Variants in RAB20 observed in about 807,000 individuals in gnomAD.
The protein encoded by RAB20 is ras-related protein Rab-20.
A neutral mutation model predicts 3.7 loss-of-function variants in RAB20; 2 were observed. The observed-to-expected ratio is 0.54, with a 90% CI of 0.22 to 1.69. RAB20 has a LOEUF of 1.69. Ranked by LOEUF, RAB20 falls within the 40% of genes most tolerant of loss-of-function variation. The pLI is 0.19. For missense variants in RAB20, 276 were observed against 311.9 expected (o/e 0.88, Z 0.87); for synonymous variants, 126 against 130.8 (o/e 0.96, Z 0.25).
intron 1 of RAB20, among the ~76,000 whole-genome samples, chr13:110,537,208 GT>G (rs541495953): frequency 6.5e-4 from 98 of 151,392 alleles, no homozygotes; most frequent in African/African-American, 2.3e-3. Flanking sequence ...TATTGCCCAG[GT>G]TGGTCTTGAA....
intron 1 of RAB20, among the ~76,000 whole-genome samples, chr13:110,540,271 T>C (rs1042548617): frequency 9.9e-5 from 15 of 152,270 alleles, no homozygotes; most frequent in African/African-American, 2.9e-4. Flanking sequence ...CAAGAGATAC[T>C]CTGTTGTCCT....
intron 1 of RAB20, among the ~76,000 whole-genome samples, chr13:110,541,840 ACT>A (rs1555335863): frequency 4.7e-5 from 7 of 149,488 alleles, no homozygotes; most frequent in Non-Finnish European, 8.9e-5. Context: ...ACACACACAC[ACT>A]CTCACATACA....
At chr13:110,544,180 C>T (rs900484336) in intron 1 of RAB20, among the ~76,000 whole-genome samples, 4 of 152,196 alleles carry the variant, frequency 2.6e-5, no homozygotes, top group Non-Finnish European at 5.9e-5. Context: ...TTCTTGGCAT[C>T]TTTGTCAAAG....
At chr13:110,530,755 TAC>T (rs1446528948) in intron 1 of RAB20, among the ~76,000 whole-genome samples, 6 of 147,024 alleles carry the variant, frequency 4.1e-5, no homozygotes, top group Admixed American at 1.4e-4. Context: ...GCTCCACCTC[TAC>T]ACAGACACAG....
chr13:110,524,138 GGAT>G lies in RAB20; in HGVS notation c.229_231del (p.Ile77del), dbSNP rs1884387635. On this transcript the variant is annotated inframe_deletion, in exon 2 of 2. Coordinates refer to ENST00000267328, the MANE Select transcript of RAB20 (RefSeq NM_017817.3). ...TGCCGGTGATTCACATCATAGGTGA[GGAT>G]GATGGCGGCCGCCCCCCGGCAGTAC... The G allele has an allele frequency of 5.6e-6, 9 of 1,609,464 alleles. No homozygotes were observed. The highest frequency in any genetic ancestry group is 1.7e-4 in the Middle Eastern group (1 of 6,060).
At chr13:110,541,009 A>G (rs1302583386) in intron 1 of RAB20, among the ~76,000 whole-genome samples, 1 of 152,194 alleles carries the variant, frequency 6.6e-6, no homozygotes, top group African/African-American at 2.4e-5. Context: ...AATCTGGCTC[A>G]GGAGGCCTGG....
chr13:110,527,286 C>T (rs948054232), intron 1 of RAB20, among the ~76,000 whole-genome samples: 1 of 152,010 alleles, frequency 6.6e-6, no homozygotes. Flanking sequence ...CACAGAGACA[C>T]ACACTCATGT....
intron 1 of RAB20, among the ~76,000 whole-genome samples, chr13:110,525,949 C>A (rs370422892): frequency 2.0e-5 from 3 of 152,350 alleles, no homozygotes; most frequent in South Asian, 4.1e-4. Context: ...CACCAACAAG[C>A]AAACCCCAAG....
intron 1 of RAB20, among the ~76,000 whole-genome samples, chr13:110,528,452 T>C (rs1203734910): frequency 1.4e-5 from 2 of 144,196 alleles, no homozygotes; most frequent in African/African-American, 2.6e-5. Flanking sequence ...GAAAGAAAAA[T>C]GCTTCTTCGT....
At position 110,555,047 on chromosome 13, in the gene RAB20, C is replaced by A. The variant is rs1594139811; in HGVS notation, c.172+6301G>T. Among the ~76,000 whole-genome samples the A allele has an allele frequency of 6.6e-6, 1 of 152,068 alleles. No homozygotes were observed. Among genetic ancestry groups the A allele is most frequent in the East Asian group, 1.9e-4 (1 of 5,174 alleles). On this transcript the variant is annotated intron_variant, in intron 1 of 1. Coordinates refer to ENST00000267328, the MANE Select transcript of RAB20 (RefSeq NM_017817.3). This position sits in a 1 kb window ranked among gnomAD's most constrained non-coding sequence, Gnocchi z 4.0. Reference sequence around the variant, plus strand: ...CCTCCCCTCTGTAAGATGCTGCTTCCCAGTCTGTAGGACGGCAACGTTGAC... The same window carrying A: ...CCTCCCCTCTGTAAGATGCTGCTTCACAGTCTGTAGGACGGCAACGTTGAC...
chr13:110,556,954 G>A (rs2139591729), intron 1 of RAB20, among the ~76,000 whole-genome samples: 1 of 152,362 alleles, frequency 6.6e-6, no homozygotes, highest in Non-Finnish European at 1.5e-5. Context: ...CTGGGCAATG[G>A]CAGATCTGGG....
In RAB20 at chr13:110,556,129, A is replaced by C. The variant is rs1188997280; in HGVS notation, c.172+5219T>G. Among the ~76,000 whole-genome samples the C allele has an allele frequency of 2.0e-5, 3 of 152,370 alleles. No individual in the cohort carries two copies. In the East Asian group the frequency reaches 5.8e-4, roughly 29 times the overall value. The stretch of plus-strand genomic sequence containing the variant: ...ATGCAAAAGGAGGTGACACAGCCAC[A>C]GCCACAGCTGTGGTCGGCAGATGCC... On this transcript the variant is annotated intron_variant, in intron 1 of 1. Coordinates refer to ENST00000267328, the MANE Select transcript of RAB20 (RefSeq NM_017817.3).
At chr13:110,535,492 T>A (rs9515244) in intron 1 of RAB20, among the ~76,000 whole-genome samples, 60,164 of 152,156 alleles carry the variant, frequency 0.4, 12,314 homozygotes, top group African/African-American at 0.51. Flanking sequence ...CTTAAACCAC[T>A]CTGGGAAGTC....
intron 1 of RAB20, among the ~76,000 whole-genome samples, chr13:110,535,772 C>G (rs1021085824): frequency 4.6e-5 from 7 of 152,252 alleles, no homozygotes; most frequent in Admixed American, 2.6e-4. Flanking sequence ...ATGCTCTCAG[C>G]CCAGCAGCAG....
Position 110,535,145 on chromosome 13 carries a change from T to C in RAB20, c.173-10948A>G, listed in dbSNP as rs373986615. 3.3e-5 allele frequency among the ~76,000 whole-genome samples: 5 copies of C among 152,372 alleles called. No individual in the cohort carries two copies. In the East Asian group the frequency reaches 9.6e-4, roughly 29 times the overall value. On this transcript the variant is annotated intron_variant, in intron 1 of 1. Transcript: ENST00000267328. ...CACCACGCCCAGCCCAGGAACATCT[T>C]TTACTGGCAGAGATGGAGAATGTAG...
chr13:110,552,269 C>T (rs992657768), intron 1 of RAB20, among the ~76,000 whole-genome samples: 5 of 151,510 alleles, frequency 3.3e-5, no homozygotes, highest in African/African-American at 1.2e-4. Context: ...ATCCCAGCTA[C>T]TCGGGAAGCT....
intron 1 of RAB20, among the ~76,000 whole-genome samples, chr13:110,558,498 C>G (rs1885077820): frequency 6.6e-6 from 1 of 150,402 alleles, no homozygotes. Context: ...ATTCTCCTGC[C>G]ACAGCCTCCC....
chr13:110,545,149 T>G (rs1399399408), intron 1 of RAB20, among the ~76,000 whole-genome samples: 1 of 152,194 alleles, frequency 6.6e-6, no homozygotes, highest in Non-Finnish European at 1.5e-5. Flanking sequence ...ATTAGCAGCA[T>G]GAACACGGAT....
rs141348981 is a variant in RAB20, at chr13:110,544,074, T to C, written c.172+17274A>G. On this transcript the variant is annotated intron_variant, in intron 1 of 1. Coordinates refer to ENST00000267328, the MANE Select transcript of RAB20 (RefSeq NM_017817.3). ...TTACAGGCACCCAGCCTGATTTTTG[T>C]ATATGGTGTGAGACAAGGGTCTGGT... 5.1e-4 allele frequency among the ~76,000 whole-genome samples: 78 copies of C among 152,252 alleles called. No homozygotes were observed. In the Middle Eastern group the frequency reaches 0.014, roughly 27 times the overall value.
Sources: gnomAD v4.1 joint callset for allele counts (sites outside exome capture counted in the v4.1 genomes callset) on GRCh38, gnomAD v4.1.1 for gene constraint, Gnocchi (gnomAD v3.1) non-coding constraint, MANE v1.5 for transcripts, NCBI Gene and HGNC (gene_info 2026-07-23, HGNC 2026-07-21) for gene names.